Variants in KAZN observed in about 807,000 individuals in gnomAD.
KAZN encodes kazrin.
KAZN carries 40 observed loss-of-function variants against 87.4 expected under a neutral mutation model. The ratio of observed to expected loss-of-function variants is 0.46; its 90% CI spans 0.36 to 0.60. KAZN has a LOEUF of 0.60. Among genes scored for constraint, KAZN ranks in the 20% least tolerant of loss-of-function variants. KAZN has a pLI of 0.00. For missense variants in KAZN, 898 were observed against 1,073.9 expected (o/e 0.84, Z 2.29); for synonymous variants, 466 against 458.3 (o/e 1.02, Z -0.22).
chr1:14,935,186 C>T (rs112074752), intron 1 of KAZN, among the ~76,000 whole-genome samples: 13 of 152,348 alleles, frequency 8.5e-5, no homozygotes, highest in African/African-American at 2.9e-4. Context: ...GGATGCCTCC[C>T]CTGCCAGTCT....
At chr1:14,372,047 G>C (rs968247997) in intron 2 of KAZN, among the ~76,000 whole-genome samples, 1 of 152,170 alleles carries the variant, frequency 6.6e-6, no homozygotes, top group Non-Finnish European at 1.5e-5. Flanking sequence ...GATCTTATTA[G>C]CTTCAATTTT....
At chr1:14,166,206 C>G (rs1258087728) in intron 1 of KAZN, among the ~76,000 whole-genome samples, 1 of 151,976 alleles carries the variant, frequency 6.6e-6, no homozygotes, top group African/African-American at 2.4e-5. Flanking sequence ...TCCCAGCTAC[C>G]CAGGAGACTG....
exon 2 of KAZN, chr1:14,180,563 T>G: frequency 6.5e-7 from 1 of 1,550,222 alleles, no homozygotes; most frequent in Non-Finnish European, 8.7e-7. Flanking sequence ...TTCCATGATA[T>G]TGATGAGGCA....
chr1:14,293,100 A>G (rs1320119833), intron 2 of KAZN, among the ~76,000 whole-genome samples: 1 of 152,228 alleles, frequency 6.6e-6, no homozygotes, highest in African/African-American at 2.4e-5. Flanking sequence ...AAAATGTGGC[A>G]GCCTCATTTC....
chr1:14,636,447 C>G (rs913231889), intron 1 of KAZN, among the ~76,000 whole-genome samples: 1 of 152,174 alleles, frequency 6.6e-6, no homozygotes, highest in Non-Finnish European at 1.5e-5. Flanking sequence ...ATAGAGGGCT[C>G]TTTGTGTTCA....
chr1:13,962,074 C>T (rs963266105), intron 1 of KAZN, among the ~76,000 whole-genome samples: 2 of 152,124 alleles, frequency 1.3e-5, no homozygotes, highest in East Asian at 3.9e-4. Flanking sequence ...CATGCAGGAA[C>T]GAACATTTGT....
At chr1:14,044,275 G>A (rs1335581416) in intron 1 of KAZN, among the ~76,000 whole-genome samples, 3 of 151,946 alleles carry the variant, frequency 2.0e-5, no homozygotes, top group African/African-American at 7.3e-5. Context: ...GTGGCTTTTA[G>A]AATCATTTTC....
At chr1:14,758,278 A>T (rs910086469) in intron 1 of KAZN, among the ~76,000 whole-genome samples, 2 of 151,308 alleles carry the variant, frequency 1.3e-5, no homozygotes, top group Non-Finnish European at 2.9e-5. Context: ...CGATCCTCCC[A>T]CCTCAGCCTC....
intron 2 of KAZN, among the ~76,000 whole-genome samples, chr1:14,512,906 C>T (rs911296287): frequency 6.6e-6 from 1 of 152,236 alleles, no homozygotes; most frequent in African/African-American, 2.4e-5. Flanking sequence ...TCTTCTCCTG[C>T]TGAGAGAAGT....
At chr1:14,205,329 A>G (rs1646717740) in intron 2 of KAZN, among the ~76,000 whole-genome samples, 1 of 152,196 alleles carries the variant, frequency 6.6e-6, no homozygotes, top group Admixed American at 6.5e-5. Flanking sequence ...ATGATAAAGT[A>G]GAGCTTGAAG....
At chr1:14,262,500 T>C (rs563472028) in intron 2 of KAZN, among the ~76,000 whole-genome samples, 33 of 152,364 alleles carry the variant, frequency 2.2e-4, no homozygotes, top group African/African-American at 7.7e-4. Flanking sequence ...CACCTCTACT[T>C]ACTTTGCTGA....
intron 2 of KAZN, among the ~76,000 whole-genome samples, chr1:14,260,003 T>C (rs1650884677): frequency 6.6e-6 from 1 of 152,154 alleles, no homozygotes; most frequent in African/African-American, 2.4e-5. Flanking sequence ...TGTGGACTCT[T>C]TTATTCCCAT....
intron 4 of KAZN, among the ~76,000 whole-genome samples, chr1:15,051,476 C>A (rs1324280481): frequency 6.6e-6 from 1 of 152,212 alleles, no homozygotes; most frequent in African/African-American, 2.4e-5. Context: ...CAGACCGGAT[C>A]CTTGACCCTG....
intron 1 of KAZN, among the ~76,000 whole-genome samples, chr1:14,941,042 A>C (rs1661018016): frequency 6.6e-6 from 1 of 151,034 alleles, no homozygotes; most frequent in Admixed American, 6.6e-5. Context: ...CGGCTTCCCA[A>C]GTAGCTGGGA....
At chr1:14,579,981 T>C (rs1675441340) in intron 2 of KAZN, among the ~76,000 whole-genome samples, 1 of 151,754 alleles carries the variant, frequency 6.6e-6, no homozygotes, top group African/African-American at 2.4e-5. Flanking sequence ...GGGAGGGGGG[T>C]TGGGGAAATC....
chr1:14,120,282 G>T (rs1284844643), intron 1 of KAZN, among the ~76,000 whole-genome samples: 1 of 152,038 alleles, frequency 6.6e-6, no homozygotes, highest in African/African-American at 2.4e-5. Context: ...GAGGGCGGGG[G>T]GAGGTGCCGT....
Position 14,792,112 on chromosome 1 carries a change from G to A in KAZN, c.227-168572G>A, listed in dbSNP as rs533450771. ...GATGTCAGATGGAAGACTTGAATCA[G>A]AATTGCCACCTGGTAGAAAAGTAGA... On this transcript the variant is annotated intron_variant, in intron 1 of 14. Coordinates refer to ENST00000376030, the MANE Select transcript of KAZN (RefSeq NM_201628.3). Among the ~76,000 whole-genome samples, 3 of 152,312 alleles carry A rather than the reference G, an allele frequency of 2.0e-5. No homozygotes were observed. In the East Asian group the frequency reaches 5.8e-4, roughly 29 times the overall value.
At chr1:14,680,377 C>G (rs138737463) in intron 1 of KAZN, among the ~76,000 whole-genome samples, 1 of 152,222 alleles carries the variant, frequency 6.6e-6, no homozygotes, top group Admixed American at 6.5e-5. Context: ...ATTAGTTTTG[C>G]CTGATCTAGA....
intron 1 of KAZN, among the ~76,000 whole-genome samples, chr1:13,920,102 T>C (rs1185441108): frequency 1.3e-5 from 2 of 151,816 alleles, no homozygotes; most frequent in East Asian, 3.9e-4. Flanking sequence ...ATACAAAAAT[T>C]AGTTGGGGCT....
Sources: allele counts gnomAD v4.1 joint callset (sites outside exome capture counted in the v4.1 genomes callset), GRCh38; gene constraint gnomAD v4.1.1; transcripts MANE v1.5; gene names NCBI Gene and HGNC (gene_info 2026-07-23, HGNC 2026-07-21).